Variants in HSPH1 observed in about 807,000 individuals in gnomAD.
The protein encoded by HSPH1 is heat shock protein 105 kDa.
HSPH1 carries 40 observed loss-of-function variants against 100.0 expected under a neutral mutation model. That is an observed-to-expected ratio of 0.40 (90% CI 0.31 to 0.52). The LOEUF (loss-of-function observed/expected upper bound fraction) is 0.52, where lower values mean the gene tolerates loss of function less well. Among genes scored for constraint, HSPH1 ranks in the 20% least tolerant of loss-of-function variants. HSPH1 has a pLI of 0.54. For synonymous variants in HSPH1, 403 were observed against 344.0 expected (o/e 1.17, Z -1.90); for missense variants, 876 against 1,015.1 (o/e 0.86, Z 1.86).
intron 12 of HSPH1, 113 bp downstream of exon 12, chr13:31,143,679 C>T (rs1297740060): frequency 4.2e-6 from 4 of 947,746 alleles, no homozygotes; most frequent in Non-Finnish European, 5.9e-6. Flanking sequence ...GAAAAAAATC[C>T]TACACAGAAC....
Position 31,161,531 on chromosome 13 carries a change from C to G in HSPH1, c.52G>C (p.Ala18Pro). The G allele has an allele frequency of 6.2e-7, 1 of 1,614,034 alleles. No individual in the cohort carries two copies. ...ATGGTCTCGATGCCCCCGGCCCGGG[C>G]TACCGCGATGTAGCAGCTCTGCGAG... ...VGSQSCYIAV[A>P]RAGGIETIAN... Residue 18 changes from alanine to proline, a missense_variant, in exon 1 of 18, where the codon GCC becomes CCC. Physicochemically the swap from Ala to Pro is conservative, Grantham distance 27. Transcript: ENST00000320027.
intron 4 of HSPH1, chr13:31,154,382 G>A (rs558096229): frequency 1.7e-5 from 9 of 527,034 alleles, no homozygotes; most frequent in African/African-American, 1.5e-4. Context: ...CTCACAAATG[G>A]AACCAGTCAA....
chr13:31,145,691 T>C lies in HSPH1; in HGVS notation c.1456A>G (p.Thr486Ala). The C allele has an allele frequency of 6.2e-7, 1 of 1,613,672 alleles. No homozygotes were observed. ...GTAGAGATGGTGAAAATGCCATGGG[T>C]GTTGACTCGCACTTTGACTTTTACT... is the stretch of plus-strand genomic sequence containing the variant. ...SRVKVKVRVNTHGIFTISTAS... is the reference protein window; with the variant it reads ...SRVKVKVRVNAHGIFTISTAS... The change falls in exon 11 of 18, where the codon ACC becomes GCC. Residue 486 changes from threonine (T) to alanine (A), a missense_variant. Physicochemically the swap from Thr to Ala is moderately conservative, Grantham distance 58. Coordinates refer to ENST00000320027, the MANE Select transcript of HSPH1 (RefSeq NM_006644.4).
intron 14 of HSPH1, 35 bp downstream of exon 14, chr13:31,140,149 G>C: frequency 6.3e-7 from 1 of 1,581,738 alleles, no homozygotes. Flanking sequence ...CTTCATATGA[G>C]ACTATCTGAA....
chr13:31,139,332 A>C (rs1300023077), intron 14 of HSPH1: 1 of 498,180 alleles, frequency 2.0e-6, no homozygotes, highest in African/African-American at 1.9e-5. Flanking sequence ...CTAGAAGAGT[A>C]TCTTCCTGCT....
intron 7 of HSPH1, 124 bp from the exon 8 acceptor site, chr13:31,150,306 G>T (rs1956440049): frequency 1.5e-6 from 1 of 651,734 alleles, no homozygotes; most frequent in African/African-American, 1.8e-5. Context: ...GCCAAGTTTA[G>T]CTGTATTGTA....
intron 5 of HSPH1, chr13:31,152,471 G>C (rs1956522982): frequency 4.4e-6 from 1 of 224,858 alleles, no homozygotes; most frequent in Non-Finnish European, 8.8e-6. Context: ...CCTATCTACA[G>C]TTCAGTAGAT....
chr13:31,161,913 A>C (rs1466350840), upstream of HSPH1: 1 of 1,511,754 alleles, frequency 6.6e-7, no homozygotes, highest in Non-Finnish European at 8.8e-7. Context: ...CCAAAAGGGG[A>C]GGTCCCACTT....
At position 31,145,580 on chromosome 13, in the gene HSPH1, C is replaced by G; in HGVS notation, c.1567G>C (p.Glu523Gln). Residue 523 changes from glutamate to glutamine, a missense_variant, in exon 11 of 18, where the codon GAA (glutamate) becomes CAA (glutamine). Glu to Gln is a conservative substitution (Grantham distance 29). Coordinates refer to ENST00000320027, the MANE Select transcript of HSPH1 (RefSeq NM_006644.4). ...AAACTTACATCAGTGTCTGGGTTTT[C>G]TGGTGGTCTCTGATTCAGACACTCC... ...DMECLNQRPP[E>Q]NPDTDKNVQQ... 6.2e-7 allele frequency: 1 copy of G among 1,613,288 alleles called. No individual in the cohort carries two copies. The highest frequency in any genetic ancestry group is 8.5e-7 in the Non-Finnish European group (1 of 1,179,590).
At position 31,155,562 on chromosome 13, in the gene HSPH1, G is replaced by GT; in HGVS notation, c.257dup (p.Asn86LysfsTer23). On this transcript the variant is annotated frameshift_variant, in exon 3 of 18. Coordinates refer to ENST00000320027, the MANE Select transcript of HSPH1 (RefSeq NM_006644.4). LOFTEE classifies it high-confidence loss of function. The stretch of plus-strand genomic sequence containing the variant: ...TCAATGGAACCAAATCGTAACTCAA[G>GT]TTTTCCTTCTCCTTTTGAATGAAGG... 1 of 1,612,140 alleles carries GT rather than the reference G, an allele frequency of 6.2e-7. No homozygotes were observed. The highest frequency in any genetic ancestry group is 8.5e-7 in the Non-Finnish European group (1 of 1,178,872).
At chr13:31,157,502 C>A (rs941558218) in intron 2 of HSPH1, among the ~76,000 whole-genome samples, 10 of 152,150 alleles carry the variant, frequency 6.6e-5, no homozygotes, top group Admixed American at 1.3e-4. Context: ...GTGCCAATTT[C>A]TTATTAAACA....
intron 5 of HSPH1, chr13:31,152,373 G>T (rs1956519274): frequency 6.5e-6 from 1 of 152,800 alleles, no homozygotes; most frequent in Non-Finnish European, 1.5e-5. Flanking sequence ...TCAAGAAAGA[G>T]ATGCTGTAAT....
At chr13:31,138,294 A>T in intron 17 of HSPH1, 113 bp downstream of exon 17, 1 of 953,282 alleles carries the variant, frequency 1.0e-6, no homozygotes, top group Non-Finnish European at 1.6e-6. Context: ...AGCTGGTTTC[A>T]GTTAGGATGA....
At chr13:31,141,003 A>G (rs182624832) in intron 13 of HSPH1, 119 bp downstream of exon 13, 1,046 of 631,730 alleles carry the variant, frequency 1.7e-3, no homozygotes, top group Non-Finnish European at 2.3e-3. Context: ...CCTATCCCTA[A>G]AACTATATAA....
Position 31,138,733 on chromosome 13 carries a change from T to C in HSPH1, c.2208+48A>G, listed in dbSNP as rs180888267. On this transcript the variant is annotated intron_variant, in intron 16 of 17. Transcript: ENST00000320027. ...GATTCCCAGCTTAAGTGTTAGCTTA[T>C]TAAAATCTAGGTTAACTTCCTCCCT... is the stretch of plus-strand genomic sequence containing the variant. 2,798 of 1,573,806 alleles carry C rather than the reference T, an allele frequency of 1.8e-3. 2 individuals carry two copies. Among genetic ancestry groups the C allele is most frequent in the Admixed American group, 3.7e-3 (184 of 50,250 alleles).
At chr13:31,157,708 A>G (rs561001780) in intron 2 of HSPH1, among the ~76,000 whole-genome samples, 1 of 152,160 alleles carries the variant, frequency 6.6e-6, no homozygotes, top group African/African-American at 2.4e-5. Flanking sequence ...CGTATCTTTT[A>G]CTGTTTTTCT....
rs1955988791 is a variant in HSPH1, at chr13:31,139,025, T to C, written c.2063A>G (p.Tyr688Cys). The C allele has an allele frequency of 6.2e-7, 1 of 1,612,434 alleles. No homozygotes were observed. The highest frequency in any genetic ancestry group is 1.7e-5 in the Admixed American group (1 of 59,940). Residue 688 changes from tyrosine to cysteine, a missense_variant, in exon 15 of 18, where the codon TAT becomes TGT. Physicochemically the swap from Tyr to Cys is radical, Grantham distance 194. Coordinates refer to ENST00000320027, the MANE Select transcript of HSPH1 (RefSeq NM_006644.4). ...EEGEDQAKQA[Y>C]VDKLEELMKI... is the part of the protein sequence containing the mutation. ...CATTAATTCTTCCAACTTGTCAACA[T>C]ATGCTTGTTTAGCTTGGTCCTCTCC...
chr13:31,160,677 T>C (rs1209204813), intron 1 of HSPH1, among the ~76,000 whole-genome samples: 1 of 152,212 alleles, frequency 6.6e-6, no homozygotes, highest in Non-Finnish European at 1.5e-5. Context: ...ATCCATCCTC[T>C]TTTGGCGTCC....
In HSPH1 at chr13:31,140,271, C is replaced by T. The variant is rs761289195; in HGVS notation, c.1893G>A (p.Arg631=). ...CCTCAACTGCATTTTTAGCATCATT[C>T]CTTTCTTTTTCCAATTTATCTTGCA... ...MIMQDKLEKE[R]NDAKNAVEEY... is the part of the protein sequence containing the mutation. Residue 631 remains arginine, a synonymous_variant, in exon 14 of 18, where the codon AGG becomes AGA. Transcript: ENST00000320027. 6 of 1,610,836 alleles carry T rather than the reference C, an allele frequency of 3.7e-6. No individual in the cohort carries two copies. The African/African-American group carries it at 6.7e-5, about 18-fold the overall frequency.
Sources: allele counts gnomAD v4.1 joint callset (sites outside exome capture counted in the v4.1 genomes callset), GRCh38; gene constraint gnomAD v4.1.1; transcripts MANE v1.5; gene names NCBI Gene and HGNC (gene_info 2026-07-23, HGNC 2026-07-21).